Variants in FAM168A observed in about 807,000 individuals in gnomAD.
FAM168A encodes the protein family with sequence similarity 168 member A.
FAM168A carries 3 observed loss-of-function variants against 28.5 expected under a neutral mutation model. The ratio of observed to expected loss-of-function variants is 0.11; its 90% CI spans 0.05 to 0.27. FAM168A has a LOEUF of 0.27. Among genes scored for constraint, FAM168A ranks in the 10% least tolerant of loss-of-function variants. FAM168A has a pLI of 1.00. For synonymous variants in FAM168A, 122 were observed against 124.2 expected, an observed-to-expected ratio of 0.98 and a Z score of 0.12; for missense variants, 222 against 311.5, an observed-to-expected ratio of 0.71 and a Z score of 2.16.
At chr11:73,501,185 T>C (rs1396827800) in intron 1 of FAM168A, among the ~76,000 whole-genome samples, 1 of 152,164 alleles carries the variant, frequency 6.6e-6, no homozygotes, top group African/African-American at 2.4e-5. Flanking sequence ...AGCACCCAAA[T>C]TCATAAAACA....
chr11:73,592,034 G>T (rs1373455998), intron 1 of FAM168A, among the ~76,000 whole-genome samples: 1 of 152,166 alleles, frequency 6.6e-6, no homozygotes, highest in Non-Finnish European at 1.5e-5. Context: ...GGCTAGAAAA[G>T]AAATACAAGT....
intron 1 of FAM168A, among the ~76,000 whole-genome samples, chr11:73,469,544 G>GA (rs995685914): frequency 6.6e-6 from 1 of 152,182 alleles, no homozygotes; most frequent in Non-Finnish European, 1.5e-5. Flanking sequence ...GAGATGTGGA[G>GA]AAAAGGTGGG....
rs191445610 is a variant in FAM168A, at chr11:73,454,609, T to C, written c.70+13796A>G. ...AACCGCGGCCCAAAGTGAGAACTTA[T>C]ATCTCTGTTTTCCTGCTCAAATGTT... On this transcript the variant is annotated intron_variant, in intron 2 of 7. Transcript: ENST00000356467. 1.0e-3 allele frequency among the ~76,000 whole-genome samples: 158 copies of C among 151,094 alleles called. 1 individual carries two copies. Among genetic ancestry groups the C allele is most frequent in the African/African-American group, 3.7e-3 (151 of 40,374 alleles).
chr11:73,412,464 C>T (rs976237621), intron 4 of FAM168A, among the ~76,000 whole-genome samples: 9 of 152,156 alleles, frequency 5.9e-5, no homozygotes, highest in African/African-American at 2.2e-4. Flanking sequence ...CCTTTTAATC[C>T]TCCGGAAAAG....
At chr11:73,592,825 A>G (rs1194543877) in intron 1 of FAM168A, among the ~76,000 whole-genome samples, 1 of 151,834 alleles carries the variant, frequency 6.6e-6, no homozygotes, top group African/African-American at 2.4e-5. Flanking sequence ...GAGGCCGAGG[A>G]AGGAGGATCA....
intron 2 of FAM168A, among the ~76,000 whole-genome samples, chr11:73,459,879 AT>A (rs918564469): frequency 0.011 from 1,160 of 108,430 alleles, 2 homozygotes; most frequent in Middle Eastern, 0.033. Context: ...ATCCAAATGA[AT>A]TTTTTTTTTT....
chr11:73,569,103 C>G (rs933227164), intron 1 of FAM168A, among the ~76,000 whole-genome samples: 1 of 152,178 alleles, frequency 6.6e-6, no homozygotes, highest in African/African-American at 2.4e-5. Context: ...TTACCATATA[C>G]TGGCTCAACT....
In FAM168A at chr11:73,574,861, TC is replaced by T. The variant is rs1944153240; in HGVS notation, c.-19+23061del. ...TTACAGGTGTGAGCCACCGTGCCCATCCGATGTTGGCCATCTTTTAATAAAT... is the reference window on the plus strand; with the variant it reads ...TTACAGGTGTGAGCCACCGTGCCCATCGATGTTGGCCATCTTTTAATAAAT... On this transcript the variant is annotated intron_variant, in intron 1 of 7. Transcript: ENST00000356467. Among the ~76,000 whole-genome samples, 6 of 151,004 alleles carry T rather than the reference TC, an allele frequency of 4.0e-5. No individual in the cohort carries two copies. The South Asian group carries it at 1.3e-3, about 32-fold the overall frequency.
At chr11:73,463,963 A>G (rs374431407) in intron 2 of FAM168A, among the ~76,000 whole-genome samples, 21 of 152,276 alleles carry the variant, frequency 1.4e-4, no homozygotes, top group Middle Eastern at 3.4e-3. Context: ...GATCAGTTTG[A>G]ACATCAAAGG....
At chr11:73,592,209 C>T (rs1225061041) in intron 1 of FAM168A, among the ~76,000 whole-genome samples, 1 of 152,182 alleles carries the variant, frequency 6.6e-6, no homozygotes, top group Non-Finnish European at 1.5e-5. Flanking sequence ...ATAAAATAGG[C>T]ATATTCTGAA....
chr11:73,430,811 AAAACAAAAC>A lies in FAM168A; in HGVS notation c.71-50_71-42del, dbSNP rs1866977237. The A allele has an allele frequency of 6.1e-6, 8 of 1,302,266 alleles. 1 individual carries two copies. The Middle Eastern group carries it at 1.1e-3, about 187-fold the overall frequency. 80.7% of individuals were successfully genotyped at this position (1,302,266 alleles called of 1,614,324 possible). ...AAAAGGCTTATTTAGTTAGGCAAAA[AAAACAAAAC>A]AAAACAAAACAAAACAAAAAAACAC... On this transcript the variant is annotated intron_variant, in intron 2 of 7. Transcript: ENST00000356467.
At chr11:73,564,720 G>A (rs1433300566) in intron 1 of FAM168A, among the ~76,000 whole-genome samples, 2 of 142,702 alleles carry the variant, frequency 1.4e-5, no homozygotes, top group African/African-American at 5.3e-5. Flanking sequence ...TCCAGCCTGG[G>A]CGACACAGTG....
chr11:73,437,114 T>TC (rs1565243806), intron 2 of FAM168A, among the ~76,000 whole-genome samples: 2 of 150,110 alleles, frequency 1.3e-5, no homozygotes, highest in African/African-American at 5.0e-5. Flanking sequence ...TTTTTTTTTT[T>TC]CCAAGACGGA....
At chr11:73,496,906 C>CGCAT in intron 1 of FAM168A, among the ~76,000 whole-genome samples, 1 of 145,768 alleles carries the variant, frequency 6.9e-6, no homozygotes, top group Non-Finnish European at 1.5e-5. Context: ...CACACACACA[C>CGCAT]GCACACACAC....
intron 2 of FAM168A, among the ~76,000 whole-genome samples, chr11:73,468,122 G>A (rs558514901): frequency 2.6e-5 from 4 of 152,236 alleles, no homozygotes; most frequent in South Asian, 4.1e-4. Flanking sequence ...CATCTAACAC[G>A]TATTCATGTT....
chr11:73,454,823 A>T (rs1378199827), intron 2 of FAM168A, among the ~76,000 whole-genome samples: 2 of 152,062 alleles, frequency 1.3e-5, no homozygotes, highest in African/African-American at 2.4e-5. Flanking sequence ...TACCTACCCA[A>T]CCCGTCCCCT....
intron 1 of FAM168A, among the ~76,000 whole-genome samples, chr11:73,498,208 A>G (rs1445108455): frequency 6.6e-6 from 1 of 152,100 alleles, no homozygotes; most frequent in Non-Finnish European, 1.5e-5. Flanking sequence ...GCCGGCCACC[A>G]AGGATCTAGG....
At chr11:73,546,678 G>T (rs1395641629) in intron 1 of FAM168A, among the ~76,000 whole-genome samples, 5 of 149,646 alleles carry the variant, frequency 3.3e-5, no homozygotes, top group Non-Finnish European at 5.9e-5. Context: ...GTTGCAGCGA[G>T]CCTAGATCGT....
chr11:73,575,510 T>A (rs1323278145), intron 1 of FAM168A, among the ~76,000 whole-genome samples: 2 of 152,216 alleles, frequency 1.3e-5, no homozygotes, highest in Admixed American at 6.5e-5. Flanking sequence ...ATTTAGTTAC[T>A]AAACGTGTCT....
Sources: gnomAD v4.1 joint callset for allele counts (sites outside exome capture counted in the v4.1 genomes callset) on GRCh38, gnomAD v4.1.1 for gene constraint, MANE v1.5 for transcripts, NCBI Gene and HGNC (gene_info 2026-07-23, HGNC 2026-07-21) for gene names.